The following CDK19 variants were observed in gnomAD, a reference collection of about 807,000 sequenced individuals.
CDK19 encodes the protein cyclin-dependent kinase 19.
CDK19 carries 20 observed loss-of-function variants against 68.3 expected under a neutral mutation model. That is an observed-to-expected ratio of 0.29 (90% CI 0.21 to 0.43). CDK19 has a LOEUF of 0.43. Among genes scored for constraint, CDK19 ranks in the 20% least tolerant of loss-of-function variants. The probability of loss-of-function intolerance (pLI) is 1.00; values close to 1 mark genes in which losing one functional copy is unlikely to be tolerated. For missense variants in CDK19, 339 were observed against 623.5 expected, an observed-to-expected ratio of 0.54 and a Z score of 4.86; for synonymous variants, 221 against 222.8, an observed-to-expected ratio of 0.99 and a Z score of 0.07.
intron 1 of CDK19, 81 bp from the exon 2 acceptor site, chr6:110,746,282 C>A (rs1334039905): frequency 5.2e-6 from 4 of 775,238 alleles, no homozygotes; most frequent in South Asian, 3.4e-5. Flanking sequence ...AATGGAAATG[C>A]ACTTAATTTC....
At position 110,646,088 on chromosome 6, in the gene CDK19, G is replaced by A. The variant is rs924709189; in HGVS notation, c.457-7382C>T. ...GCATGGGCGACCTGCTGCAGTTTGT[G>A]GCTAAGCAAGGCACCTCCTTCGAGG... On this transcript the variant is annotated intron_variant, in intron 4 of 12. Coordinates refer to ENST00000368911, the MANE Select transcript of CDK19 (RefSeq NM_015076.5). The A allele has an allele frequency of 8.2e-6, 7 of 856,578 alleles. No homozygotes were observed. In the African/African-American group the frequency reaches 1.0e-4, roughly 12 times the overall value. The allele number at this position is 856,578 out of a possible 1,614,324, so 53.1% of individuals were successfully genotyped here. A position where few individuals can be genotyped will look rare whatever the true frequency, so the allele number is the denominator to read the frequency against.
At position 110,645,858 on chromosome 6, in the gene CDK19, T is replaced by G. The variant is rs1780529668; in HGVS notation, c.457-7152A>C. On this transcript the variant is annotated intron_variant, in intron 4 of 12. Transcript: ENST00000368911. ...GCCGCGCTTCCTCCTGACCTTCGAT[T>G]TCGAAGAGACTATCGTAGACGAAAA... 4 of 659,660 alleles carry G rather than the reference T, an allele frequency of 6.1e-6. No individual in the cohort carries two copies. In the South Asian group the frequency reaches 6.5e-5, roughly 11 times the overall value. 40.9% of individuals were successfully genotyped at this position (659,660 alleles called of 1,614,324 possible).
At chr6:110,761,107 T>C (rs886071479) in intron 1 of CDK19, among the ~76,000 whole-genome samples, 7 of 151,910 alleles carry the variant, frequency 4.6e-5, no homozygotes, top group African/African-American at 1.7e-4. Flanking sequence ...GCAATCTGGG[T>C]TGGTGTTTTC....
At chr6:110,646,541 G>T (rs1013262265) in intron 4 of CDK19, 2 of 1,227,250 alleles carry the variant, frequency 1.6e-6, no homozygotes, top group South Asian at 1.7e-5. Context: ...CCTGCAACAG[G>T]TGCTTAAGTC....
chr6:110,787,430 T>TTTTTG (rs535860515), intron 1 of CDK19, among the ~76,000 whole-genome samples: 4 of 151,946 alleles, frequency 2.6e-5, no homozygotes, highest in Admixed American at 6.6e-5. Flanking sequence ...CTCAATGTTT[T>TTTTTG]TTTTGTTTTG....
At chr6:110,637,395 T>G (rs1238318310) in intron 5 of CDK19, among the ~76,000 whole-genome samples, 1 of 152,176 alleles carries the variant, frequency 6.6e-6, no homozygotes, top group African/African-American at 2.4e-5. Context: ...AACTTCTGAA[T>G]GAATCTGATA....
At chr6:110,625,140 C>G (rs550854625) in intron 8 of CDK19, among the ~76,000 whole-genome samples, 1 of 152,070 alleles carries the variant, frequency 6.6e-6, no homozygotes, top group Admixed American at 6.5e-5. Flanking sequence ...AATCTCGCTA[C>G]ACAAATGTAG....
At chr6:110,653,131 A>T (rs1781080214) in intron 4 of CDK19, among the ~76,000 whole-genome samples, 2 of 152,228 alleles carry the variant, frequency 1.3e-5, no homozygotes, top group Non-Finnish European at 2.9e-5. Flanking sequence ...AATAATAACA[A>T]AATGAATAAT....
chr6:110,693,053 C>T lies in CDK19; in HGVS notation c.205-22512G>A, dbSNP rs553834599. 9.2e-4 allele frequency among the ~76,000 whole-genome samples: 140 copies of T among 152,098 alleles called. 1 individual carries two copies. Among genetic ancestry groups the T allele is most frequent in the Non-Finnish European group, 1.5e-3 (103 of 67,970 alleles). ...AAGGGGTGAAAAAAGATATTCCACACAAATGTAAAGCAAAAGTGAGCAAAA... is the reference window on the plus strand; with the variant it reads ...AAGGGGTGAAAAAAGATATTCCACATAAATGTAAAGCAAAAGTGAGCAAAA... On this transcript the variant is annotated intron_variant, in intron 2 of 12. Coordinates refer to ENST00000368911, the MANE Select transcript of CDK19 (RefSeq NM_015076.5).
At chr6:110,620,769 C>T (rs1307005870) in intron 12 of CDK19, among the ~76,000 whole-genome samples, 1 of 152,122 alleles carries the variant, frequency 6.6e-6, no homozygotes, top group East Asian at 1.9e-4. Context: ...GACACCACTC[C>T]CCTTCCCTTT....
intron 4 of CDK19, among the ~76,000 whole-genome samples, chr6:110,645,500 A>C (rs1048705651): frequency 5.9e-5 from 9 of 152,220 alleles, no homozygotes; most frequent in Non-Finnish European, 5.9e-5. Flanking sequence ...AAGTTTAAAA[A>C]ATAGAGAAAG....
At chr6:110,727,941 T>C (rs1582962972) in intron 2 of CDK19, among the ~76,000 whole-genome samples, 1 of 149,758 alleles carries the variant, frequency 6.7e-6, no homozygotes, top group Non-Finnish European at 1.5e-5. Flanking sequence ...AGCACTATTA[T>C]CCTGCCACTG....
chr6:110,749,391 T>C (rs1388057676), intron 1 of CDK19, among the ~76,000 whole-genome samples: 1 of 142,022 alleles, frequency 7.0e-6, no homozygotes, highest in African/African-American at 2.8e-5. Context: ...CTTTTTTTTT[T>C]GAGACAAATG....
chr6:110,701,883 C>T (rs1484818075), intron 2 of CDK19, among the ~76,000 whole-genome samples: 1 of 152,080 alleles, frequency 6.6e-6, no homozygotes, highest in Non-Finnish European at 1.5e-5. Flanking sequence ...TGGCTCACGC[C>T]TGTAATCCCA....
intron 2 of CDK19, among the ~76,000 whole-genome samples, chr6:110,721,837 G>C (rs377661490): frequency 6.6e-6 from 1 of 152,014 alleles, no homozygotes; most frequent in African/African-American, 2.4e-5. Flanking sequence ...GGTGGTGCGC[G>C]CCTGTAATCC....
At chr6:110,703,718 T>C (rs1369504096) in intron 2 of CDK19, among the ~76,000 whole-genome samples, 1 of 152,118 alleles carries the variant, frequency 6.6e-6, no homozygotes, top group East Asian at 1.9e-4. Flanking sequence ...CATGCACCTG[T>C]AGTCCCAGCA....
At chr6:110,679,774 T>C (rs1387825703) in intron 2 of CDK19, among the ~76,000 whole-genome samples, 1 of 152,230 alleles carries the variant, frequency 6.6e-6, no homozygotes, top group Non-Finnish European at 1.5e-5. Context: ...AAGCTGTTTA[T>C]TGTCTGACAT....
chr6:110,678,051 T>C (rs1420979780), intron 2 of CDK19, among the ~76,000 whole-genome samples: 4 of 152,140 alleles, frequency 2.6e-5, no homozygotes, highest in Non-Finnish European at 5.9e-5. Context: ...TATCACTTTG[T>C]TGTCCAGGCT....
intron 4 of CDK19, among the ~76,000 whole-genome samples, chr6:110,653,500 T>C (rs923087669): frequency 1.3e-5 from 2 of 152,228 alleles, no homozygotes; most frequent in Non-Finnish European, 2.9e-5. Flanking sequence ...CTAAAACTCC[T>C]CTTCTTACTG....
Sources: gnomAD v4.1 joint callset for allele counts (sites outside exome capture counted in the v4.1 genomes callset) on GRCh38, gnomAD v4.1.1 for gene constraint, MANE v1.5 for transcripts, NCBI Gene and HGNC (gene_info 2026-07-23, HGNC 2026-07-21) for gene names.